Variants in ROR2 observed in about 807,000 individuals in gnomAD.
ROR2 encodes tyrosine-protein kinase transmembrane receptor ROR2.
In ROR2, 33 loss-of-function variants were observed where a neutral mutation model predicts 74.9. The observed-to-expected ratio is 0.44, with a 90% CI of 0.33 to 0.59. The LOEUF (loss-of-function observed/expected upper bound fraction) is 0.59. Among genes scored for constraint, ROR2 ranks in the 20% least tolerant of loss-of-function variants. The pLI is 0.02. For synonymous variants in ROR2, 586 were observed against 558.7 expected (o/e 1.05, Z -0.69); for missense variants, 1,216 against 1,313.8 (o/e 0.93, Z 1.15).
At position 91,723,734 on chromosome 9, in the gene ROR2, G is replaced by C; in HGVS notation, c.2760C>G (p.Val920=). The change falls in exon 9 of 9, where the codon GTC becomes GTG. Residue 920 remains valine, a synonymous_variant. Transcript: ENST00000375708. ...AGTCCCCCAGCAGCTCAGTCTCTGGGACAGAGCCTTCCTCCTCCTCCTCTG... is the reference window on the plus strand; with the variant it reads ...AGTCCCCCAGCAGCTCAGTCTCTGGCACAGAGCCTTCCTCCTCCTCCTCTG... ...QEAEEEEEGS[V]PETELLGDCD... The C allele has an allele frequency of 6.2e-7, 1 of 1,613,910 alleles. No individual in the cohort carries two copies. The highest frequency in any genetic ancestry group is 8.5e-7 in the Non-Finnish European group (1 of 1,180,036).
Position 91,826,182 on chromosome 9 carries a change from C to T in ROR2, c.98-50364G>A, listed in dbSNP as rs113205286. Among the ~76,000 whole-genome samples, 458 of 152,272 alleles carry T rather than the reference C, an allele frequency of 3.0e-3. 4 individuals are homozygous for T. The highest frequency in any genetic ancestry group is 9.8e-3 in the African/African-American group (408 of 41,548). ...GACTACCAGGCTTCAGTTTTCTCAT[C>T]TACAGAATGGGGGAAATGAGCCCTT... On this transcript the variant is annotated intron_variant, in intron 1 of 8. Transcript: ENST00000375708.
chr9:91,871,604 G>T (rs1829799748), intron 1 of ROR2, among the ~76,000 whole-genome samples: 1 of 152,176 alleles, frequency 6.6e-6, no homozygotes, highest in Admixed American at 6.5e-5. Context: ...ACAAGAGCTG[G>T]AGTCTGTTTC....
At chr9:91,841,764 G>T (rs1828789318) in intron 1 of ROR2, among the ~76,000 whole-genome samples, 1 of 152,154 alleles carries the variant, frequency 6.6e-6, no homozygotes, top group East Asian at 1.9e-4. Context: ...ATGCCAGCCT[G>T]GTGGGGTTTG....
intron 1 of ROR2, among the ~76,000 whole-genome samples, chr9:91,857,956 G>T (rs532001607): frequency 2.6e-5 from 4 of 152,306 alleles, no homozygotes; most frequent in East Asian, 3.9e-4. Context: ...GGAGAAGGAG[G>T]GGGAGAGGGT....
intron 2 of ROR2, among the ~76,000 whole-genome samples, chr9:91,772,292 C>G (rs1329117436): frequency 1.3e-5 from 2 of 152,218 alleles, no homozygotes; most frequent in Non-Finnish European, 2.9e-5. Context: ...GATGATCCAC[C>G]AATCATCACG....
At chr9:91,882,060 G>A (rs1031898826) in intron 1 of ROR2, among the ~76,000 whole-genome samples, 15 of 152,120 alleles carry the variant, frequency 9.9e-5, no homozygotes, top group Non-Finnish European at 2.1e-4. Context: ...GGACAGTTTG[G>A]TTCCTGTCCT....
chr9:91,735,477 G>A (rs1339189655), intron 5 of ROR2, among the ~76,000 whole-genome samples: 1 of 152,142 alleles, frequency 6.6e-6, no homozygotes, highest in African/African-American at 2.4e-5. Flanking sequence ...ACAATCTTGT[G>A]CCCTGGATCA....
chr9:91,872,764 G>T (rs1587807530), intron 1 of ROR2, among the ~76,000 whole-genome samples: 1 of 152,304 alleles, frequency 6.6e-6, no homozygotes, highest in South Asian at 2.1e-4. Flanking sequence ...AATGAGGAAG[G>T]CATGGCTCAT....
chr9:91,791,757 A>AC (rs35705862), intron 1 of ROR2, among the ~76,000 whole-genome samples: 14,105 of 152,158 alleles, frequency 0.093, 987 homozygotes, highest in East Asian at 0.3. Context: ...AGAACACTCG[A>AC]CCCAAGTGCA....
chr9:91,939,411 A>T lies in ROR2; in HGVS notation c.97+10456T>A, dbSNP rs1016446932. Among the ~76,000 whole-genome samples, 7 of 152,280 alleles carry T rather than the reference A, an allele frequency of 4.6e-5. No individual in the cohort carries two copies. In the East Asian group the frequency reaches 1.2e-3, roughly 25 times the overall value. On this transcript the variant is annotated intron_variant, in intron 1 of 8. Transcript: ENST00000375708. ...GATCCAATGAGTCAAAGAGCTTGGG[A>T]TAACTGTTTTATAATCTGCATTTTC...
At chr9:91,859,661 G>GA (rs1587792995) in intron 1 of ROR2, among the ~76,000 whole-genome samples, 1 of 152,086 alleles carries the variant, frequency 6.6e-6, no homozygotes. Context: ...CATCTCTACT[G>GA]AAAAGACGAA....
chr9:91,828,375 CA>C (rs1163909850), intron 1 of ROR2, among the ~76,000 whole-genome samples: 6 of 152,180 alleles, frequency 3.9e-5, no homozygotes, highest in African/African-American at 1.4e-4. Flanking sequence ...AGTAAGTTCA[CA>C]AATTAATTCT....
At chr9:91,935,138 C>T (rs1302278564) in intron 1 of ROR2, among the ~76,000 whole-genome samples, 1 of 152,214 alleles carries the variant, frequency 6.6e-6, no homozygotes, top group African/African-American at 2.4e-5. Flanking sequence ...CCTGGGTCCA[C>T]ACTGACACCC....
chr9:91,857,493 C>A lies in ROR2; in HGVS notation c.98-81675G>T, dbSNP rs140412441. Among the ~76,000 whole-genome samples the A allele has an allele frequency of 2.4e-3, 361 of 152,320 alleles. 1 individual carries two copies. The highest frequency in any genetic ancestry group is 8.4e-3 in the African/African-American group (350 of 41,566). ...TAAAAACACACTTTTTAAAAACATTCCAGTAGGTCGTGTTCTACAGCAGGA... is the reference window on the plus strand; with the variant it reads ...TAAAAACACACTTTTTAAAAACATTACAGTAGGTCGTGTTCTACAGCAGGA... On this transcript the variant is annotated intron_variant, in intron 1 of 8. Transcript: ENST00000375708.
chr9:91,847,873 A>T (rs146353887), intron 1 of ROR2, among the ~76,000 whole-genome samples: 4 of 151,098 alleles, frequency 2.6e-5, no homozygotes, highest in East Asian at 1.9e-4. Context: ...ACGCAGACTC[A>T]CTCTCCAGGA....
At chr9:91,778,557 C>T (rs189699576) in intron 1 of ROR2, among the ~76,000 whole-genome samples, 99 of 152,322 alleles carry the variant, frequency 6.5e-4, no homozygotes, top group Middle Eastern at 6.8e-3. Context: ...GAAGAGGCCA[C>T]GTGGCCTTCT....
At chr9:91,843,806 A>G (rs1012568702) in intron 1 of ROR2, among the ~76,000 whole-genome samples, 1 of 152,222 alleles carries the variant, frequency 6.6e-6, no homozygotes, top group Admixed American at 6.5e-5. Context: ...TCTGCTTCTC[A>G]TTGAGGAATG....
intron 1 of ROR2, among the ~76,000 whole-genome samples, chr9:91,865,011 C>T (rs915258704): frequency 6.6e-6 from 1 of 152,200 alleles, no homozygotes; most frequent in Non-Finnish European, 1.5e-5. Flanking sequence ...AAGTTTTATA[C>T]TTTGCAAAAT....
chr9:91,891,884 C>G (rs1391475312), intron 1 of ROR2, among the ~76,000 whole-genome samples: 1 of 152,016 alleles, frequency 6.6e-6, no homozygotes, highest in African/African-American at 2.4e-5. Flanking sequence ...CCTATCTCTA[C>G]TAAAAATACA....
Sources: gnomAD v4.1 joint callset for allele counts (sites outside exome capture counted in the v4.1 genomes callset) on GRCh38, gnomAD v4.1.1 for gene constraint, MANE v1.5 for transcripts, NCBI Gene and HGNC (gene_info 2026-07-23, HGNC 2026-07-21) for gene names.